Variants in CHD7 observed in about 807,000 individuals in gnomAD.
The protein encoded by CHD7 is ATP-dependent chromatin remodeler CHD7.
A neutral mutation model predicts 307.3 loss-of-function variants in CHD7; 24 were observed. That is an observed-to-expected ratio of 0.08 (90% confidence interval 0.06 to 0.11). CHD7 has a LOEUF of 0.11. Among genes scored for constraint, CHD7 ranks in the 10% least tolerant of loss-of-function variants. CHD7 has a pLI of 1.00. For synonymous variants in CHD7, 1,363 were observed against 1,349.9 expected, an observed-to-expected ratio of 1.01 and a Z score of -0.21; for missense variants, 3,106 against 3,727.1, an observed-to-expected ratio of 0.83 and a Z score of 4.34.
At chr8:60,846,093 T>C (rs749149330) in intron 23 of CHD7, among the ~76,000 whole-genome samples, 1 of 152,218 alleles carries the variant, frequency 6.6e-6, no homozygotes, top group Non-Finnish European at 1.5e-5. Flanking sequence ...ACGTTTTGTT[T>C]GTCCCAGTCA....
At chr8:60,769,913 A>C (rs556165886) in intron 2 of CHD7, among the ~76,000 whole-genome samples, 5 of 152,338 alleles carry the variant, frequency 3.3e-5, no homozygotes, top group African/African-American at 1.2e-4. Context: ...GAAAATACCA[A>C]AGTGTGAAGG....
At chr8:60,717,260 T>C (rs1237703203) in intron 1 of CHD7, among the ~76,000 whole-genome samples, 12 of 152,204 alleles carry the variant, frequency 7.9e-5, no homozygotes, top group Admixed American at 7.8e-4. Context: ...TGAAAGATAG[T>C]GTATCATTGT....
chr8:60,759,424 T>C (rs1353916795), intron 2 of CHD7, among the ~76,000 whole-genome samples: 1 of 151,458 alleles, frequency 6.6e-6, no homozygotes, highest in East Asian at 1.9e-4. Flanking sequence ...TTTCTCCCTC[T>C]CCCTCTCTCC....
chr8:60,717,408 ATG>A (rs545316703), intron 1 of CHD7, among the ~76,000 whole-genome samples: 5 of 152,174 alleles, frequency 3.3e-5, no homozygotes, highest in Non-Finnish European at 7.4e-5. Flanking sequence ...TTCTAGCACT[ATG>A]TATTTTGTTT....
chr8:60,712,991 G>A (rs1160621937), intron 1 of CHD7, among the ~76,000 whole-genome samples: 1 of 146,026 alleles, frequency 6.8e-6, no homozygotes, highest in African/African-American at 2.6e-5. Flanking sequence ...GGGGAGTTAC[G>A]CTGAGCCGAG....
chr8:60,693,830 G>A (rs1409843905), intron 1 of CHD7, among the ~76,000 whole-genome samples: 1 of 152,260 alleles, frequency 6.6e-6, no homozygotes, highest in Non-Finnish European at 1.5e-5. Flanking sequence ...CCAACTAGCA[G>A]CTGAAGGCCT....
intron 1 of CHD7, among the ~76,000 whole-genome samples, chr8:60,687,518 G>T (rs1011412447): frequency 6.6e-5 from 10 of 152,196 alleles, no homozygotes; most frequent in Admixed American, 2.0e-4. Flanking sequence ...GATCTTGCAA[G>T]AAAAATCATA....
At chr8:60,844,694 CTGTATAAAGGAGTG>C (rs1805128276) in intron 21 of CHD7, among the ~76,000 whole-genome samples, 156 bp from the exon 22 acceptor site, 1 of 152,190 alleles carries the variant, frequency 6.6e-6, no homozygotes, top group Non-Finnish European at 1.5e-5. Context: ...GGGCAGCTTA[CTGTATAAAGGAGTG>C]TTTTTAACTC....
At chr8:60,707,175 T>A (rs1332928146) in intron 1 of CHD7, among the ~76,000 whole-genome samples, 2 of 152,206 alleles carry the variant, frequency 1.3e-5, no homozygotes, top group Non-Finnish European at 2.9e-5. Context: ...TAAATATTAG[T>A]AAGAAACACC....
At chr8:60,760,972 C>T (rs1282756041) in intron 2 of CHD7, among the ~76,000 whole-genome samples, 1 of 152,250 alleles carries the variant, frequency 6.6e-6, no homozygotes, top group Non-Finnish European at 1.5e-5. Context: ...TACCATTTGA[C>T]CCAGCCATCC....
intron 4 of CHD7, among the ~76,000 whole-genome samples, 157 bp downstream of exon 4, chr8:60,795,284 G>C (rs1811968844): frequency 2.0e-5 from 3 of 152,296 alleles, no homozygotes; most frequent in South Asian, 4.1e-4. Flanking sequence ...GATGTAGGGA[G>C]GGGGAGCGGG....
intron 2 of CHD7, among the ~76,000 whole-genome samples, chr8:60,763,943 C>G (rs1810346581): frequency 1.3e-5 from 2 of 152,192 alleles, no homozygotes; most frequent in African/African-American, 4.8e-5. Context: ...ACTTCACAAA[C>G]ATGCCTTAAC....
intron 1 of CHD7, among the ~76,000 whole-genome samples, chr8:60,698,017 A>G (rs1806570946): frequency 6.6e-6 from 1 of 152,234 alleles, no homozygotes; most frequent in Non-Finnish European, 1.5e-5. Flanking sequence ...GGTACCATAA[A>G]ACAGTGTCAC....
chr8:60,703,088 A>G (rs1348161762), intron 1 of CHD7, among the ~76,000 whole-genome samples: 3 of 152,172 alleles, frequency 2.0e-5, no homozygotes, highest in Non-Finnish European at 2.9e-5. Flanking sequence ...GGCCCAACAT[A>G]TTTGGCCACC....
At chr8:60,692,076 T>C (rs1026277965) in intron 1 of CHD7, among the ~76,000 whole-genome samples, 1 of 152,208 alleles carries the variant, frequency 6.6e-6, no homozygotes, top group Non-Finnish European at 1.5e-5. Flanking sequence ...TGTTATGCAA[T>C]GAATGTACTT....
chr8:60,822,251 C>T (rs1282771402), intron 11 of CHD7, 106 bp downstream of exon 11: 1 of 1,002,426 alleles, frequency 1.0e-6, no homozygotes, highest in Non-Finnish European at 1.4e-6. Context: ...CTAATAAGAG[C>T]TTTTTCAAAA....
rs186625323 is a variant in CHD7 at position 60,743,126 on chromosome 8, T to C, written c.1665+29T>C. The C allele has an allele frequency of 2.9e-4, 457 of 1,583,898 alleles. No individual in the cohort carries two copies. The African/African-American group carries it at 5.9e-3, about 20-fold the overall frequency. On this transcript the variant is annotated intron_variant, in intron 2 of 37. Coordinates refer to ENST00000423902, the MANE Select transcript of CHD7 (RefSeq NM_017780.4). ...AGGGGACACAGAGCCTACCTCTGCA[T>C]TGCAGTGTGAAATTCAACATGGCTA...
At chr8:60,688,875 A>C (rs968956029) in intron 1 of CHD7, among the ~76,000 whole-genome samples, 3 of 152,210 alleles carry the variant, frequency 2.0e-5, no homozygotes, top group Admixed American at 6.5e-5. Context: ...TAGGAGCTCC[A>C]GATCCTCAAA....
rs112530153 is a variant in CHD7, at chr8:60,784,969, C to A, written c.2096+3539C>A. 1.5e-3 allele frequency among the ~76,000 whole-genome samples: 227 copies of A among 152,248 alleles called. 3 individuals are homozygous for A. The highest frequency in any genetic ancestry group is 4.3e-3 in the African/African-American group (178 of 41,532). On this transcript the variant is annotated intron_variant, in intron 3 of 37. Transcript: ENST00000423902. Reference sequence around the variant, plus strand: ...CTAGTGTTCTCCCCAGTTGTCCTTACAGCTTTCAAATATTCGTTGCTAATA... The same window carrying A: ...CTAGTGTTCTCCCCAGTTGTCCTTAAAGCTTTCAAATATTCGTTGCTAATA...
Sources: allele counts gnomAD v4.1 joint callset (sites outside exome capture counted in the v4.1 genomes callset), GRCh38; gene constraint gnomAD v4.1.1; transcripts MANE v1.5; gene names NCBI Gene and HGNC (gene_info 2026-07-23, HGNC 2026-07-21).